TC2N: variants seen among roughly 807,000 people sequenced by gnomAD.
TC2N encodes tandem C2 domains, nuclear, also known as tandem C2 domains nuclear protein.
Under a neutral mutation model 61.9 loss-of-function variants are expected in TC2N, and 51 were observed. That is an observed-to-expected ratio of 0.82 (90% CI 0.66 to 1.04). The LOEUF is 1.04. Among genes scored for constraint, TC2N ranks in the 50% least tolerant of loss-of-function variants. The pLI, the probability that TC2N is intolerant of heterozygous loss-of-function variation, is 0.00. For synonymous variants in TC2N, 204 were observed against 192.6 expected, an observed-to-expected ratio of 1.06 and a Z score of -0.49; for missense variants, 556 against 566.7, an observed-to-expected ratio of 0.98 and a Z score of 0.19.
intron 9 of TC2N, among the ~76,000 whole-genome samples, chr14:91,791,899 G>A (rs552613249): frequency 2.1e-4 from 32 of 152,048 alleles, no homozygotes; most frequent in Non-Finnish European, 1.9e-4. Context: ...GGCAGATCAC[G>A]AGGTCAGGAG....
At chr14:91,804,474 C>G (rs1351846199) in intron 3 of TC2N, among the ~76,000 whole-genome samples, 1 of 152,108 alleles carries the variant, frequency 6.6e-6, no homozygotes, top group African/African-American at 2.4e-5. Flanking sequence ...ATAGTATATA[C>G]TTACTACATA....
chr14:91,847,124 G>T (rs552298141), intron 1 of TC2N, among the ~76,000 whole-genome samples: 3 of 152,122 alleles, frequency 2.0e-5, no homozygotes, highest in East Asian at 3.8e-4. Context: ...CAGGCGTTGT[G>T]GTGGGCGCCT....
chr14:91,798,543 C>A (rs1020489503), intron 6 of TC2N, 144 bp from the exon 7 acceptor site: 5 of 600,484 alleles, frequency 8.3e-6, no homozygotes, highest in African/African-American at 5.9e-5. Flanking sequence ...AGACAAAAAT[C>A]ACACTTTAAT....
rs1403593954 is a variant in TC2N at position 91,851,419 on chromosome 14, GT to G, written c.-57+15842del. On this transcript the variant is annotated intron_variant, in intron 1 of 11. Coordinates refer to ENST00000435962, the MANE Select transcript of TC2N (RefSeq NM_001128596.3). The stretch of plus-strand genomic sequence containing the variant: ...ACAGTACCTCTCCAACCTTTCTTTG[GT>G]TGTTCTCCCTCTGTGTGGTCTAAAT... Among the ~76,000 whole-genome samples, 3 of 152,278 alleles carry G rather than the reference GT, an allele frequency of 2.0e-5. No homozygotes were observed. In the East Asian group the frequency reaches 5.8e-4, roughly 29 times the overall value.
chr14:91,823,352 C>T (rs1713006546), intron 1 of TC2N, among the ~76,000 whole-genome samples: 1 of 151,692 alleles, frequency 6.6e-6, no homozygotes, highest in Admixed American at 6.6e-5. Context: ...GAAACCCCAT[C>T]TCTACTAAAA....
intron 3 of TC2N, among the ~76,000 whole-genome samples, chr14:91,807,710 T>C (rs568636236): frequency 6.6e-6 from 1 of 152,306 alleles, no homozygotes; most frequent in Admixed American, 6.5e-5. Flanking sequence ...CAGATGAGAC[T>C]TTGAATTGTG....
chr14:91,797,529 A>G (rs1425800176), intron 8 of TC2N, among the ~76,000 whole-genome samples: 1 of 151,976 alleles, frequency 6.6e-6, no homozygotes, highest in Non-Finnish European at 1.5e-5. Flanking sequence ...AAGAAAAGTA[A>G]ACAGGTTTCT....
intron 1 of TC2N, among the ~76,000 whole-genome samples, chr14:91,864,252 T>G (rs1888651311): frequency 6.6e-6 from 1 of 152,192 alleles, no homozygotes; most frequent in South Asian, 2.1e-4. Context: ...TGCTCCTTAC[T>G]TCTCAGGGCT....
intron 1 of TC2N, among the ~76,000 whole-genome samples, chr14:91,858,699 C>A (rs991163819): frequency 3.3e-5 from 5 of 152,130 alleles, no homozygotes; most frequent in African/African-American, 9.7e-5. Context: ...CTTAGAATTT[C>A]TTTCCTCATC....
At chr14:91,819,848 G>A (rs1887167519) in intron 1 of TC2N, among the ~76,000 whole-genome samples, 1 of 152,056 alleles carries the variant, frequency 6.6e-6, no homozygotes, top group Non-Finnish European at 1.5e-5. Context: ...ACTGTAGAAA[G>A]TTAAAGATAT....
intron 1 of TC2N, among the ~76,000 whole-genome samples, chr14:91,823,467 C>T (rs1222851406): frequency 1.3e-5 from 2 of 151,606 alleles, no homozygotes; most frequent in Non-Finnish European, 2.9e-5. Context: ...TTGCAGTGAG[C>T]CGAGATCACG....
intron 1 of TC2N, among the ~76,000 whole-genome samples, chr14:91,852,635 G>A (rs1888397727): frequency 1.3e-5 from 2 of 152,204 alleles, no homozygotes; most frequent in African/African-American, 2.4e-5. Context: ...GTAATATAAT[G>A]TGTGTGCTTT....
At chr14:91,843,047 G>C (rs1281986752) in intron 1 of TC2N, among the ~76,000 whole-genome samples, 1 of 152,030 alleles carries the variant, frequency 6.6e-6, no homozygotes, top group Non-Finnish European at 1.5e-5. Flanking sequence ...TAGGCCTTAA[G>C]AGACTTCATG....
intron 1 of TC2N, among the ~76,000 whole-genome samples, chr14:91,828,311 C>T (rs1294649490): frequency 6.6e-6 from 1 of 152,014 alleles, no homozygotes; most frequent in Non-Finnish European, 1.5e-5. Flanking sequence ...CTTTTTTCCA[C>T]AATATCCTCC....
At position 91,797,834 on chromosome 14, in the gene TC2N, G is replaced by C; in HGVS notation, c.806C>G (p.Thr269Arg). The change falls in exon 8 of 12, where the codon ACA becomes AGA. Residue 269 changes from threonine to arginine, a missense_variant. Coordinates refer to ENST00000435962, the MANE Select transcript of TC2N (RefSeq NM_001128596.3). ...TTTGAAATGCACTGGTTTGGGCAAT[G>C]TAAGTATTCCTTTTATAGAAACAGT... ...TPTVSIKGIL[T>R]LPKPVHFKSS... The C allele has an allele frequency of 1.9e-6, 3 of 1,611,224 alleles. No homozygotes were observed. The highest frequency in any genetic ancestry group is 2.5e-6 in the Non-Finnish European group (3 of 1,178,412).
chr14:91,857,303 G>A (rs555819453), intron 1 of TC2N, among the ~76,000 whole-genome samples: 1 of 152,334 alleles, frequency 6.6e-6, no homozygotes, highest in African/African-American at 2.4e-5. Flanking sequence ...TTTGTAGAAA[G>A]TGGCCAGGAA....
chr14:91,812,627 A>C, intron 2 of TC2N, 82 bp from the exon 3 acceptor site: 1 of 680,444 alleles, frequency 1.5e-6, no homozygotes, highest in Non-Finnish European at 2.4e-6. Flanking sequence ...TTTGATATTT[A>C]TTTAACCATT....
At chr14:91,799,758 A>G (rs754810776) in intron 5 of TC2N, among the ~76,000 whole-genome samples, 14 of 152,140 alleles carry the variant, frequency 9.2e-5, no homozygotes, top group Non-Finnish European at 2.1e-4. Context: ...AGTTATAGGA[A>G]ATATGGGAAT....
At position 91,781,546 on chromosome 14, in the gene TC2N, G is replaced by GC. The variant is rs1271607040; in HGVS notation, c.*1553dup. 1.3e-5 allele frequency: 2 copies of GC among 151,494 alleles called. No individual in the cohort carries two copies. Among genetic ancestry groups the GC allele is most frequent in the African/African-American group, 4.8e-5 (2 of 41,284 alleles). The allele number at this position is 151,494 out of a possible 1,614,324, so 9.4% of individuals were successfully genotyped here. ...TCAATTTTTCTGTTAACCTACAACT[G>GC]CTCTAAAAAAAAAAGTCTATTTTTA... On this transcript the variant is annotated 3_prime_UTR_variant, in exon 12 of 12. Transcript: ENST00000435962.
Sources: allele counts gnomAD v4.1 joint callset (sites outside exome capture counted in the v4.1 genomes callset), GRCh38; gene constraint gnomAD v4.1.1; transcripts MANE v1.5; gene names NCBI Gene and HGNC (gene_info 2026-07-23, HGNC 2026-07-21).